The following ABI1 variants were observed in gnomAD, a reference collection of about 807,000 sequenced individuals.
The protein encoded by ABI1 is abl interactor 1, also known as Abelson interactor 1.
Under a neutral mutation model 54.6 loss-of-function variants are expected in ABI1, and 14 were observed. That is an observed-to-expected ratio of 0.26 (90% CI 0.17 to 0.40). ABI1 has a LOEUF of 0.40. Ranked by LOEUF, ABI1 falls within the 10% of genes least tolerant of loss-of-function variation. ABI1 has a pLI of 1.00. For synonymous variants in ABI1, 194 were observed against 209.3 expected (o/e 0.93, Z 0.63); for missense variants, 443 against 598.3 (o/e 0.74, Z 2.71).
Position 26,751,579 on chromosome 10 carries a change from C to T in ABI1, c.1270+19G>A. On this transcript the variant is annotated intron_variant, in intron 10 of 10. Transcript: ENST00000376140. ...ATTAGGTTATTTTCCTTCACATCAACTCAATGACTGTACCTTACCTTTCTC... is the reference window on the plus strand; with the variant it reads ...ATTAGGTTATTTTCCTTCACATCAATTCAATGACTGTACCTTACCTTTCTC... The T allele has an allele frequency of 3.1e-6, 5 of 1,601,378 alleles. No individual in the cohort carries two copies. The highest frequency in any genetic ancestry group is 4.3e-6 in the Non-Finnish European group (5 of 1,175,354).
intron 1 of ABI1, among the ~76,000 whole-genome samples, chr10:26,846,811 A>G (rs2050017383): frequency 6.6e-6 from 1 of 152,118 alleles, no homozygotes; most frequent in South Asian, 2.1e-4. Flanking sequence ...TTGAGCCTGT[A>G]CACATGCTGC....
chr10:26,821,108 G>A (rs983009585), intron 2 of ABI1, among the ~76,000 whole-genome samples: 4 of 151,496 alleles, frequency 2.6e-5, no homozygotes, highest in Admixed American at 1.3e-4. Context: ...CACTGGGCGT[G>A]GTGAGGTGCA....
intron 2 of ABI1, among the ~76,000 whole-genome samples, chr10:26,814,295 C>T (rs1241194785): frequency 1.3e-5 from 2 of 152,142 alleles, no homozygotes; most frequent in African/African-American, 4.8e-5. Context: ...ATACTAGCTA[C>T]CTACGACTTC....
chr10:26,856,507 T>C (rs2134331506), intron 1 of ABI1, among the ~76,000 whole-genome samples: 1 of 137,298 alleles, frequency 7.3e-6, no homozygotes, highest in African/African-American at 2.7e-5. Context: ...GTATCAGAAA[T>C]GTTAGCTTTT....
intron 2 of ABI1, among the ~76,000 whole-genome samples, chr10:26,816,002 C>T (rs2047538884): frequency 1.3e-5 from 2 of 152,230 alleles, no homozygotes; most frequent in South Asian, 4.1e-4. Context: ...CTGAAGTCCA[C>T]ATAAGTAACA....
chr10:26,772,109 T>C (rs951431898), intron 3 of ABI1, among the ~76,000 whole-genome samples: 4 of 152,088 alleles, frequency 2.6e-5, no homozygotes, highest in African/African-American at 7.2e-5. Flanking sequence ...TTTGGATACA[T>C]TCTCATTTAT....
chr10:26,752,406 C>T (rs572014220), intron 9 of ABI1, among the ~76,000 whole-genome samples: 14 of 152,180 alleles, frequency 9.2e-5, no homozygotes, highest in African/African-American at 3.4e-4. Context: ...AATCCCCAAC[C>T]AGTAGAAAAT....
At chr10:26,826,589 A>G (rs769551599) in intron 1 of ABI1, among the ~76,000 whole-genome samples, 6 of 152,220 alleles carry the variant, frequency 3.9e-5, no homozygotes, top group Non-Finnish European at 4.4e-5. Context: ...CTCTCCCTGT[A>G]AAAGCCCTAG....
At chr10:26,753,372 T>A (rs1274994497) in intron 9 of ABI1, among the ~76,000 whole-genome samples, 2 of 152,230 alleles carry the variant, frequency 1.3e-5, no homozygotes, top group Non-Finnish European at 2.9e-5. Context: ...CCATAGTTCA[T>A]ATCCTTAATT....
chr10:26,851,499 T>C (rs934091359), intron 1 of ABI1, among the ~76,000 whole-genome samples: 2 of 151,856 alleles, frequency 1.3e-5, no homozygotes, highest in Admixed American at 6.6e-5. Context: ...CTGACAATAG[T>C]GTAATAAAAC....
intron 3 of ABI1, 114 bp downstream of exon 3, chr10:26,776,951 A>C: frequency 1.0e-6 from 1 of 981,422 alleles, no homozygotes. Flanking sequence ...TATGAAAATT[A>C]TAATGCCAGC....
At chr10:26,787,111 C>T (rs1371586463) in intron 2 of ABI1, among the ~76,000 whole-genome samples, 1 of 152,186 alleles carries the variant, frequency 6.6e-6, no homozygotes, top group Non-Finnish European at 1.5e-5. Context: ...CCTACTCAAT[C>T]TACTATCATC....
At chr10:26,769,429 T>G (rs1056233313) in intron 5 of ABI1, among the ~76,000 whole-genome samples, 2 of 152,170 alleles carry the variant, frequency 1.3e-5, no homozygotes, top group Non-Finnish European at 1.5e-5. Flanking sequence ...TTCTAATCAT[T>G]ACTTTCTCAA....
intron 1 of ABI1, among the ~76,000 whole-genome samples, chr10:26,824,374 G>T (rs2048173848): frequency 6.6e-6 from 1 of 152,136 alleles, no homozygotes; most frequent in Non-Finnish European, 1.5e-5. Context: ...TTTTAGGAAT[G>T]TATCTCAAAA....
intron 2 of ABI1, among the ~76,000 whole-genome samples, chr10:26,813,994 A>G (rs2047401096): frequency 6.6e-6 from 1 of 152,200 alleles, no homozygotes; most frequent in Non-Finnish European, 1.5e-5. Context: ...AAACCAGAGC[A>G]CTGACTCAGT....
intron 2 of ABI1, among the ~76,000 whole-genome samples, chr10:26,800,640 A>AGGAT (rs2046489227): frequency 6.6e-6 from 1 of 152,142 alleles, no homozygotes. Flanking sequence ...ATAAGGCAGG[A>AGGAT]GGATCATTTG....
At chr10:26,790,895 C>A (rs1286361264) in intron 2 of ABI1, among the ~76,000 whole-genome samples, 1 of 151,556 alleles carries the variant, frequency 6.6e-6, no homozygotes, top group Admixed American at 6.6e-5. Flanking sequence ...ATGGTGAAAC[C>A]CCATCTCTAC....
At chr10:26,799,817 T>C (rs1048527337) in intron 2 of ABI1, among the ~76,000 whole-genome samples, 7 of 152,276 alleles carry the variant, frequency 4.6e-5, no homozygotes, top group African/African-American at 9.6e-5. Context: ...TCCCAATTAA[T>C]TGAAAAAAAT....
chr10:26,816,590 C>T (rs1164691635), intron 2 of ABI1, among the ~76,000 whole-genome samples: 2 of 152,196 alleles, frequency 1.3e-5, no homozygotes, highest in Admixed American at 6.5e-5. Context: ...TAACAACTTA[C>T]ACAGTGAGAA....
Sources: gnomAD v4.1 joint callset for allele counts (sites outside exome capture counted in the v4.1 genomes callset) on GRCh38, gnomAD v4.1.1 for gene constraint, MANE v1.5 for transcripts, NCBI Gene and HGNC (gene_info 2026-07-23, HGNC 2026-07-21) for gene names.